The following UST variants were observed in gnomAD, a reference collection of about 807,000 sequenced individuals.
UST encodes chondroitin sulfate 2-O-sulfotransferase.
Under a neutral mutation model 45.6 loss-of-function variants are expected in UST, and 21 were observed. The observed-to-expected ratio is 0.46, with a 90% confidence interval of 0.33 to 0.66. The LOEUF is 0.66. UST is among the 30% of genes least tolerant of loss of function. The pLI, the probability that UST is intolerant of heterozygous loss-of-function variation, is 0.02. For synonymous variants in UST, 215 were observed against 200.6 expected, an observed-to-expected ratio of 1.07 and a Z score of -0.61; for missense variants, 463 against 512.4, an observed-to-expected ratio of 0.90 and a Z score of 0.93.
At chr6:149,049,023 C>G (rs1213546368) in intron 7 of UST, among the ~76,000 whole-genome samples, 1 of 152,072 alleles carries the variant, frequency 6.6e-6, no homozygotes, top group African/African-American at 2.4e-5. Flanking sequence ...AATCCTGTAC[C>G]TTGATTGTGG....
chr6:148,946,069 C>T (rs1002285614), intron 3 of UST, among the ~76,000 whole-genome samples: 1 of 152,132 alleles, frequency 6.6e-6, no homozygotes, highest in Non-Finnish European at 1.5e-5. Context: ...TTGCTCTTGC[C>T]CCCTGCAAGT....
intron 5 of UST, among the ~76,000 whole-genome samples, chr6:148,977,293 A>C (rs1416560962): frequency 7.0e-6 from 1 of 143,846 alleles, no homozygotes; most frequent in Non-Finnish European, 1.5e-5. Context: ...CATAATACAT[A>C]GTTTTATTAT....
At chr6:148,890,977 G>C (rs1403513894) in intron 2 of UST, among the ~76,000 whole-genome samples, 1 of 152,152 alleles carries the variant, frequency 6.6e-6, no homozygotes, top group Non-Finnish European at 1.5e-5. Flanking sequence ...GCATATGTTT[G>C]TATGTATGCC....
At chr6:148,807,303 A>C (rs145777963) in intron 1 of UST, among the ~76,000 whole-genome samples, 1 of 152,228 alleles carries the variant, frequency 6.6e-6, no homozygotes, top group Non-Finnish European at 1.5e-5. Flanking sequence ...GAATGGAGAG[A>C]GGCAACACTG....
intron 4 of UST, among the ~76,000 whole-genome samples, chr6:148,959,324 AC>A (rs1287161637): frequency 6.6e-6 from 1 of 152,242 alleles, no homozygotes; most frequent in Non-Finnish European, 1.5e-5. Context: ...TAGCCAAGTG[AC>A]CAATTCAATT....
intron 1 of UST, among the ~76,000 whole-genome samples, chr6:148,869,776 C>T (rs1476327184): frequency 6.6e-6 from 1 of 152,090 alleles, no homozygotes; most frequent in Non-Finnish European, 1.5e-5. Context: ...ACCCGTTTCC[C>T]TAAAGCATGA....
chr6:148,886,928 A>G (rs968910207), intron 1 of UST, 58 bp from the exon 2 acceptor site: 1 of 1,407,560 alleles, frequency 7.1e-7, no homozygotes, highest in African/African-American at 1.4e-5. Context: ...ATAACTTTGC[A>G]CTAAATTCAT....
At chr6:149,005,429 A>G (rs1043638272) in intron 5 of UST, 14 of 985,334 alleles carry the variant, frequency 1.4e-5, no homozygotes, top group Non-Finnish European at 1.7e-5. Context: ...TTCTGAGAAG[A>G]AAAAGGGCAT....
chr6:149,019,114 C>CT (rs1488813449), intron 5 of UST, 25 bp from the exon 6 acceptor site: 2 of 1,551,264 alleles, frequency 1.3e-6, no homozygotes, highest in Non-Finnish European at 1.8e-6. Context: ...TACAAGACAT[C>CT]TGACTGCTGT....
chr6:148,992,497 T>G (rs1339765197), intron 5 of UST, among the ~76,000 whole-genome samples: 1 of 152,058 alleles, frequency 6.6e-6, no homozygotes, highest in Non-Finnish European at 1.5e-5. Flanking sequence ...CAAAAACAGT[T>G]TTAGAGTCCT....
intron 1 of UST, among the ~76,000 whole-genome samples, chr6:148,776,627 T>C (rs1221725754): frequency 6.6e-6 from 1 of 152,238 alleles, no homozygotes; most frequent in Non-Finnish European, 1.5e-5. Context: ...TAGCATGGAA[T>C]GAAGAGCTCC....
At chr6:149,029,540 A>G (rs969246404) in intron 7 of UST, among the ~76,000 whole-genome samples, 10 of 148,844 alleles carry the variant, frequency 6.7e-5, no homozygotes, top group African/African-American at 2.2e-4. Flanking sequence ...TTTAGTTTTA[A>G]AAACTAACAT....
At chr6:148,877,566 TGCAGGG>T (rs1778701742) in intron 1 of UST, among the ~76,000 whole-genome samples, 1 of 105,796 alleles carries the variant, frequency 9.5e-6, no homozygotes, top group Non-Finnish European at 1.9e-5. Context: ...CGTGTATGAG[TGCAGGG>T]GTCGTGTATG....
intron 1 of UST, among the ~76,000 whole-genome samples, chr6:148,757,084 A>G (rs1276195182): frequency 6.6e-6 from 1 of 152,166 alleles, no homozygotes; most frequent in African/African-American, 2.4e-5. Flanking sequence ...TGCAGCCTCA[A>G]CCTCCTGGGC....
intron 7 of UST, among the ~76,000 whole-genome samples, chr6:149,062,509 T>G (rs182715573): frequency 6.6e-6 from 1 of 152,350 alleles, no homozygotes; most frequent in African/African-American, 2.4e-5. Flanking sequence ...TCCCTTTCAG[T>G]GTGAAAACAT....
At chr6:148,925,054 G>A (rs966046423) in intron 2 of UST, among the ~76,000 whole-genome samples, 3 of 152,112 alleles carry the variant, frequency 2.0e-5, no homozygotes, top group South Asian at 2.1e-4. Context: ...TTTCACTGAC[G>A]TTTGATGGAA....
chr6:148,782,123 G>A (rs1414592252), intron 1 of UST, among the ~76,000 whole-genome samples: 1 of 152,116 alleles, frequency 6.6e-6, no homozygotes, highest in Non-Finnish European at 1.5e-5. Flanking sequence ...TGTCACCCAG[G>A]CTGGAGTTTT....
chr6:148,863,762 C>A (rs1778366290), intron 1 of UST, among the ~76,000 whole-genome samples: 1 of 152,164 alleles, frequency 6.6e-6, no homozygotes, highest in African/African-American at 2.4e-5. Context: ...GAGTTTGCTG[C>A]AGGTCACTCC....
chr6:148,801,884 A>G (rs1777063619), intron 1 of UST, among the ~76,000 whole-genome samples: 1 of 152,172 alleles, frequency 6.6e-6, no homozygotes, highest in African/African-American at 2.4e-5. Flanking sequence ...GGTCAAATAG[A>G]TGGAAGTTGA....
Sources: allele counts gnomAD v4.1 joint callset (sites outside exome capture counted in the v4.1 genomes callset), GRCh38; gene constraint gnomAD v4.1.1; transcripts MANE v1.5; gene names NCBI Gene and HGNC (gene_info 2026-07-23, HGNC 2026-07-21).